RASEF: variants seen among roughly 807,000 people sequenced by gnomAD.
RASEF encodes the protein ras and EF-hand domain-containing protein.
RASEF carries 68 observed loss-of-function variants against 90.1 expected under a neutral mutation model. The observed-to-expected ratio is 0.75, with a 90% confidence interval of 0.62 to 0.92. RASEF has a LOEUF of 0.92. Among genes scored for constraint, RASEF ranks in the 40% least tolerant of loss-of-function variants. RASEF has a pLI of 0.00. For synonymous variants in RASEF, 331 were observed against 345.2 expected (o/e 0.96, Z 0.46); for missense variants, 949 against 937.2 (o/e 1.01, Z -0.16).
At chr9:83,203,421 A>G in the RASEF span, among the ~76,000 whole-genome samples, 5 of 151,890 alleles carry the variant, frequency 3.3e-5, no homozygotes, top group Non-Finnish European at 7.4e-5. Flanking sequence ...GATTACAGGC[A>G]CTCACCACAA....
chr9:83,172,074 C>T, the RASEF span, among the ~76,000 whole-genome samples: 1 of 151,652 alleles, frequency 6.6e-6, no homozygotes, highest in African/African-American at 2.4e-5. Flanking sequence ...GTTAGCACTG[C>T]TTTGTGTCAT....
At chr9:83,044,606 T>A (rs1829897102) in intron 1 of RASEF, among the ~76,000 whole-genome samples, 1 of 152,194 alleles carries the variant, frequency 6.6e-6, no homozygotes, top group African/African-American at 2.4e-5. Flanking sequence ...AATATATGTA[T>A]AGGAATTTTT....
chr9:83,113,511 G>A, the RASEF span, among the ~76,000 whole-genome samples: 2 of 152,212 alleles, frequency 1.3e-5, no homozygotes, highest in Non-Finnish European at 2.9e-5. Context: ...GCAGAATAGA[G>A]CCATACTTTT....
chr9:83,159,449 G>C, the RASEF span, among the ~76,000 whole-genome samples: 1 of 152,060 alleles, frequency 6.6e-6, no homozygotes, highest in Non-Finnish European at 1.5e-5. Flanking sequence ...GCTTTGAAAA[G>C]CTCCAATTAT....
At chr9:83,215,879 T>C in the RASEF span, among the ~76,000 whole-genome samples, 40 of 152,282 alleles carry the variant, frequency 2.6e-4, no homozygotes, top group African/African-American at 8.7e-4. Context: ...ACTTATTGAA[T>C]GCTTTTGGCC....
In RASEF at chr9:83,004,516, T is replaced by C; in HGVS notation, c.1184A>G (p.Gln395Arg). 1 of 1,600,174 alleles carries C rather than the reference T, an allele frequency of 6.2e-7. No individual in the cohort carries two copies. Among genetic ancestry groups the C allele is most frequent in the East Asian group, 2.2e-5 (1 of 44,736 alleles). ...AACATACCTGTCATAGCCTAGAGGT[T>C]GAGGGGAATGACCAATGAATTTGGG... is the stretch of plus-strand genomic sequence containing the variant. Reference protein sequence around the residue: ...SSPKFIGHSPQPLGYDRSSRS... With the variant: ...SSPKFIGHSPRPLGYDRSSRS... Residue 395 changes from glutamine (Q) to arginine (R), a missense_variant, in exon 9 of 17, where the codon CAA becomes CGA. By Grantham distance (43) the Gln-to-Arg change is conservative. This residue lies in a region of RASEF where 656 missense variants were observed against 592.2 expected (regional missense o/e 1.11). Transcript: ENST00000376447.
At chr9:83,102,711 C>A in the RASEF span, among the ~76,000 whole-genome samples, 3 of 152,124 alleles carry the variant, frequency 2.0e-5, no homozygotes, top group Non-Finnish European at 4.4e-5. Context: ...GGTAAGCAGG[C>A]TTAAGCTTGG....
At position 83,055,946 on chromosome 9, in the gene RASEF, G is replaced by A. The variant is rs569261000; in HGVS notation, c.431+6491C>T. Among the ~76,000 whole-genome samples the A allele has an allele frequency of 1.1e-4, 17 of 152,274 alleles. No individual in the cohort carries two copies. The South Asian group carries it at 3.5e-3, about 32-fold the overall frequency. On this transcript the variant is annotated intron_variant, in intron 1 of 16. Coordinates refer to ENST00000376447, the MANE Select transcript of RASEF (RefSeq NM_152573.4). ...ATTATTCCACATCCCAGGTCCTTCAGGTGTTAGAAACTCCTGAGTATTTAA... is the reference window on the plus strand; with the variant it reads ...ATTATTCCACATCCCAGGTCCTTCAAGTGTTAGAAACTCCTGAGTATTTAA...
chr9:83,070,221 A>C, the RASEF span, among the ~76,000 whole-genome samples: 1 of 152,166 alleles, frequency 6.6e-6, no homozygotes, highest in Non-Finnish European at 1.5e-5. Flanking sequence ...CCAGAGTTGC[A>C]AAGATATCCC....
At chr9:83,084,560 G>A in the RASEF span, among the ~76,000 whole-genome samples, 3 of 152,130 alleles carry the variant, frequency 2.0e-5, no homozygotes, top group East Asian at 1.9e-4. Context: ...TTGTGGGGGC[G>A]ACTTGATGCA....
the RASEF span, among the ~76,000 whole-genome samples, chr9:83,202,774 G>A: frequency 5.3e-5 from 8 of 152,038 alleles, no homozygotes; most frequent in Admixed American, 4.6e-4. Flanking sequence ...TTACAGGCTT[G>A]AGCCACCACA....
the RASEF span, among the ~76,000 whole-genome samples, chr9:83,211,984 A>C: frequency 6.6e-6 from 1 of 152,180 alleles, no homozygotes; most frequent in Non-Finnish European, 1.5e-5. Flanking sequence ...GGACCTCAGA[A>C]ACCCAGAAAC....
At chr9:83,104,829 G>C in the RASEF span, among the ~76,000 whole-genome samples, 2 of 152,254 alleles carry the variant, frequency 1.3e-5, no homozygotes, top group South Asian at 2.1e-4. Flanking sequence ...TGCTGAAACT[G>C]CTGGATAACT....
rs1172775609 is a variant in RASEF at position 83,062,745 on chromosome 9, C to T, written c.123G>A (p.Arg41=). 1.3e-6 allele frequency: 2 copies of T among 1,568,200 alleles called. No homozygotes were observed. Among genetic ancestry groups the T allele is most frequent in the Middle Eastern group, 3.6e-4 (2 of 5,614 alleles). ...EEFRALCTEL[R]VRPADAEAVF... ...CTGCCTCGGCGTCGGCCGGCCGCACCCGCAGCTCCGTGCACAGTGCCCGGA... is the reference window on the plus strand; with the variant it reads ...CTGCCTCGGCGTCGGCCGGCCGCACTCGCAGCTCCGTGCACAGTGCCCGGA... Residue 41 remains arginine (R), a synonymous_variant, in exon 1 of 17, where the codon CGG becomes CGA. Coordinates refer to ENST00000376447, the MANE Select transcript of RASEF (RefSeq NM_152573.4).
Position 82,990,382 on chromosome 9 carries a change from A to C in RASEF, c.2117+9T>G. On this transcript the variant is annotated intron_variant, in intron 16 of 16. Coordinates refer to ENST00000376447, the MANE Select transcript of RASEF (RefSeq NM_152573.4). ...AATTCAATCCTACATCCATTTTCCC[A>C]AACTTTACCGAGCAAGGTGCAGAAC... 6.2e-7 allele frequency: 1 copy of C among 1,608,834 alleles called. No homozygotes were observed. The highest frequency in any genetic ancestry group is 1.1e-5 in the South Asian group (1 of 90,378).
the RASEF span, among the ~76,000 whole-genome samples, chr9:83,151,567 A>G: frequency 1.3e-5 from 2 of 152,262 alleles, no homozygotes; most frequent in Non-Finnish European, 2.9e-5. Context: ...AAGAGGATAC[A>G]TTGGCAAATA....
chr9:83,168,999 G>A, the RASEF span, among the ~76,000 whole-genome samples: 2 of 151,644 alleles, frequency 1.3e-5, no homozygotes, highest in Non-Finnish European at 2.9e-5. Flanking sequence ...CCTCCCTGCT[G>A]CCCTTCCTAG....
the RASEF span, among the ~76,000 whole-genome samples, chr9:83,211,898 A>G: frequency 6.6e-6 from 1 of 152,196 alleles, no homozygotes; most frequent in African/African-American, 2.4e-5. Context: ...CAGCTTTCTC[A>G]CTGTAAACAA....
At chr9:83,149,171 C>A in the RASEF span, among the ~76,000 whole-genome samples, 1 of 152,190 alleles carries the variant, frequency 6.6e-6, no homozygotes, top group African/African-American at 2.4e-5. Context: ...CAGGTGTCCT[C>A]TTATTGGCCA....
Sources: gnomAD v4.1 joint callset for allele counts (sites outside exome capture counted in the v4.1 genomes callset) on GRCh38, gnomAD v4.1.1 for gene constraint, gnomAD v4.1.1 regional missense constraint, MANE v1.5 for transcripts, NCBI Gene and HGNC (gene_info 2026-07-23, HGNC 2026-07-21) for gene names.